The following DPP10 variants were observed in gnomAD, a reference collection of about 807,000 sequenced individuals.
DPP10 encodes the protein inactive dipeptidyl peptidase 10.
Under a neutral mutation model 120.9 loss-of-function variants are expected in DPP10, and 33 were observed. That is an observed-to-expected ratio of 0.27 (90% CI 0.21 to 0.37). DPP10 has a LOEUF of 0.37. Ranked by LOEUF, DPP10 falls within the 10% of genes least tolerant of loss-of-function variation. DPP10 has a pLI of 1.00. For synonymous variants in DPP10, 337 were observed against 326.1 expected (o/e 1.03, Z -0.36); for missense variants, 816 against 942.8 (o/e 0.87, Z 1.76).
intron 1 of DPP10, among the ~76,000 whole-genome samples, chr2:115,096,920 A>C (rs532590631): frequency 1.3e-5 from 2 of 152,208 alleles, no homozygotes; most frequent in African/African-American, 4.8e-5. Flanking sequence ...ATAAATCAAT[A>C]AACATCCATT....
chr2:114,454,055 T>C (rs891835250), intron 1 of DPP10, among the ~76,000 whole-genome samples: 3 of 152,120 alleles, frequency 2.0e-5, no homozygotes, highest in African/African-American at 7.2e-5. Context: ...GTCATGACAA[T>C]GGCAAGAAAA....
chr2:114,858,205 G>C (rs1689521248), intron 1 of DPP10, among the ~76,000 whole-genome samples: 1 of 152,076 alleles, frequency 6.6e-6, no homozygotes, highest in Non-Finnish European at 1.5e-5. Flanking sequence ...GCCCAGGCTG[G>C]TCTCGAACCC....
At chr2:114,460,066 T>C (rs993953527) in intron 1 of DPP10, among the ~76,000 whole-genome samples, 2 of 152,168 alleles carry the variant, frequency 1.3e-5, no homozygotes, top group Admixed American at 6.5e-5. Flanking sequence ...CTACAGATTA[T>C]AACCAGCAAT....
intron 3 of DPP10, among the ~76,000 whole-genome samples, chr2:115,472,979 C>G (rs2074831399): frequency 6.6e-6 from 1 of 152,170 alleles, no homozygotes. Context: ...GTAGCCCCTA[C>G]AGACAGTAGA....
At chr2:115,470,139 T>C (rs1385356505) in intron 3 of DPP10, among the ~76,000 whole-genome samples, 1 of 152,174 alleles carries the variant, frequency 6.6e-6, no homozygotes, top group Non-Finnish European at 1.5e-5. Flanking sequence ...ACCTATGAAT[T>C]GCCCTCTTCT....
chr2:114,963,805 A>T (rs1698819996), intron 1 of DPP10, among the ~76,000 whole-genome samples: 1 of 152,140 alleles, frequency 6.6e-6, no homozygotes, highest in Non-Finnish European at 1.5e-5. Flanking sequence ...AATCCTGGTG[A>T]CCAAGAAAAG....
At chr2:114,862,537 T>C (rs1226144705) in intron 1 of DPP10, among the ~76,000 whole-genome samples, 1 of 152,088 alleles carries the variant, frequency 6.6e-6, no homozygotes, top group African/African-American at 2.4e-5. Context: ...CCAATTAAAA[T>C]GGTTCTCTGA....
intron 8 of DPP10, 133 bp from the exon 9 acceptor site, chr2:115,739,606 C>T: frequency 3.2e-6 from 3 of 933,326 alleles, no homozygotes; most frequent in Non-Finnish European, 4.8e-6. Flanking sequence ...AGAGAATTTT[C>T]AGGGAAGTTA....
chr2:115,272,605 A>T (rs761895018), intron 1 of DPP10, among the ~76,000 whole-genome samples: 4 of 152,242 alleles, frequency 2.6e-5, no homozygotes, highest in African/African-American at 7.2e-5. Context: ...AGATTGTGGA[A>T]ATAGTTCATG....
intron 1 of DPP10, among the ~76,000 whole-genome samples, chr2:114,582,508 AC>A (rs1690616660): frequency 6.6e-6 from 1 of 152,164 alleles, no homozygotes; most frequent in Non-Finnish European, 1.5e-5. Flanking sequence ...TTTATAAGAA[AC>A]TGTCAAACTG....
chr2:115,781,021 T>G (rs780918907), intron 16 of DPP10, 26 bp downstream of exon 16: 86 of 1,520,832 alleles, frequency 5.7e-5, no homozygotes, highest in Non-Finnish European at 7.5e-5. Context: ...AATTCTGATA[T>G]AATATATTTT....
chr2:115,443,701 C>G (rs2072295313), intron 3 of DPP10, among the ~76,000 whole-genome samples: 1 of 151,994 alleles, frequency 6.6e-6, no homozygotes, highest in Admixed American at 6.6e-5. Context: ...ATTCTAGGCT[C>G]CACCCAAGAC....
chr2:114,906,396 A>C lies in DPP10; in HGVS notation c.61-402843A>C, dbSNP rs113596249. ...GAGTTCTATCTCAAAAAAAAAAAAAAAGAAAAATTAGTGAACCTGGACATA... is the reference window on the plus strand; with the variant it reads ...GAGTTCTATCTCAAAAAAAAAAAAACAGAAAAATTAGTGAACCTGGACATA... On this transcript the variant is annotated intron_variant, in intron 1 of 25. Transcript: ENST00000410059. Among the ~76,000 whole-genome samples the C allele has an allele frequency of 3.5e-3, 531 of 151,976 alleles. 2 individuals carry two copies. Among genetic ancestry groups the C allele is most frequent in the South Asian group, 0.023 (111 of 4,808 alleles).
chr2:114,493,610 A>G (rs1682196364), intron 1 of DPP10, among the ~76,000 whole-genome samples: 1 of 127,248 alleles, frequency 7.9e-6, no homozygotes, highest in African/African-American at 2.9e-5. Flanking sequence ...AGTAGCAGAG[A>G]CACTCAATAA....
chr2:114,578,764 T>C (rs1690259119), intron 1 of DPP10, among the ~76,000 whole-genome samples: 1 of 152,212 alleles, frequency 6.6e-6, no homozygotes, highest in Non-Finnish European at 1.5e-5. Context: ...GATACTAGTA[T>C]GAATTTTCAT....
intron 5 of DPP10, among the ~76,000 whole-genome samples, chr2:115,552,619 TGATAAAACAGG>T (rs1171246791): frequency 6.6e-6 from 1 of 152,118 alleles, no homozygotes; most frequent in Admixed American, 6.6e-5. Flanking sequence ...TTTTAGGATG[TGATAAAACAGG>T]GGCAAATTTT....
chr2:114,481,006 A>G (rs1242785856), intron 1 of DPP10, among the ~76,000 whole-genome samples: 1 of 151,962 alleles, frequency 6.6e-6, no homozygotes, highest in Non-Finnish European at 1.5e-5. Context: ...CTTACATATA[A>G]AACATATAAA....
rs141880026 is a variant in DPP10, at chr2:115,079,731, G to C, written c.61-229508G>C. ...TGATGAAGTGAGAGAGAAGTGTCTA[G>C]AGGAAGGGTCAGTACTAAATCGCAA... On this transcript the variant is annotated intron_variant, in intron 1 of 25. Coordinates refer to ENST00000410059, the MANE Select transcript of DPP10 (RefSeq NM_020868.6). 2.2e-3 allele frequency among the ~76,000 whole-genome samples: 335 copies of C among 152,348 alleles called. 1 individual carries two copies. Among genetic ancestry groups the C allele is most frequent in the African/African-American group, 7.6e-3 (314 of 41,578 alleles).
chr2:114,977,747 T>C (rs1259510875), intron 1 of DPP10, among the ~76,000 whole-genome samples: 1 of 152,224 alleles, frequency 6.6e-6, no homozygotes, highest in Non-Finnish European at 1.5e-5. Flanking sequence ...CTAGTATTCT[T>C]AATATATTTC....
Sources: gnomAD v4.1 joint callset for allele counts (sites outside exome capture counted in the v4.1 genomes callset) on GRCh38, gnomAD v4.1.1 for gene constraint, MANE v1.5 for transcripts, NCBI Gene and HGNC (gene_info 2026-07-23, HGNC 2026-07-21) for gene names.